Variants in ACLY observed in about 807,000 individuals in gnomAD.
The protein encoded by ACLY is ATP citrate lyase, also known as ATP-citrate synthase.
A neutral mutation model predicts 133.0 loss-of-function variants in ACLY; 41 were observed. That is an observed-to-expected ratio of 0.31 (90% CI 0.24 to 0.40). The LOEUF (loss-of-function observed/expected upper bound fraction) is 0.40. Among genes scored for constraint, ACLY ranks in the 10% least tolerant of loss-of-function variants. ACLY has a pLI of 1.00. For missense variants in ACLY, 1,046 were observed against 1,453.8 expected (o/e 0.72, Z 4.56); for synonymous variants, 495 against 549.3 (o/e 0.90, Z 1.38).
intron 20 of ACLY, among the ~76,000 whole-genome samples, chr17:41,881,569 G>A (rs140660191): frequency 1.5e-3 from 232 of 152,194 alleles, no homozygotes; most frequent in African/African-American, 5.2e-3. Context: ...ACAACCTTGC[G>A]GCATGGCATC....
At chr17:41,927,183 A>T (rs2050253876) in intron 1 of ACLY, among the ~76,000 whole-genome samples, 1 of 152,158 alleles carries the variant, frequency 6.6e-6, no homozygotes, top group African/African-American at 2.4e-5. Context: ...GATGAGTTTT[A>T]ATACATGTAT....
intron 15 of ACLY, 61 bp downstream of exon 15, chr17:41,892,972 C>A: frequency 1.3e-6 from 2 of 1,575,478 alleles, no homozygotes; most frequent in Non-Finnish European, 1.7e-6. Context: ...AGCCACTGTG[C>A]CCAGCCCCAA....
chr17:41,894,592 C>A (rs73307761), intron 14 of ACLY, among the ~76,000 whole-genome samples: 1 of 151,206 alleles, frequency 6.6e-6, no homozygotes, highest in Non-Finnish European at 1.5e-5. Context: ...TTCCATGATG[C>A]GATTATTACG....
chr17:41,879,125 C>T (rs1055442364), intron 20 of ACLY, among the ~76,000 whole-genome samples: 4 of 152,106 alleles, frequency 2.6e-5, no homozygotes, highest in African/African-American at 9.7e-5. Flanking sequence ...CTCAGGGTCA[C>T]GCAGCTAAGG....
chr17:41,877,442 C>G (rs1336599839), intron 22 of ACLY, among the ~76,000 whole-genome samples: 1 of 148,192 alleles, frequency 6.7e-6, no homozygotes, highest in Non-Finnish European at 1.5e-5. Flanking sequence ...CAGGCCCAGC[C>G]CTTTTTTTTT....
At chr17:41,889,892 C>T (rs371688477) in intron 16 of ACLY, among the ~76,000 whole-genome samples, 11 of 152,118 alleles carry the variant, frequency 7.2e-5, no homozygotes, top group African/African-American at 2.7e-4. Context: ...AGGCTGGTCT[C>T]GAACTCCTGA....
chr17:41,882,396 A>G (rs1378189935), intron 20 of ACLY, among the ~76,000 whole-genome samples: 2 of 146,580 alleles, frequency 1.4e-5, no homozygotes, highest in African/African-American at 5.0e-5. Flanking sequence ...AAAAAAAAAA[A>G]AGTTGTTTCC....
rs1555625556 is a variant in ACLY, at chr17:41,873,954, C to T, written c.2499G>A (p.Leu833=). 6.2e-7 allele frequency: 1 copy of T among 1,602,708 alleles called. No homozygotes were observed. The highest frequency in any genetic ancestry group is 1.3e-5 in the African/African-American group (1 of 74,624). Residue 833 remains leucine, a synonymous_variant, in exon 23 of 29, where the codon TTG becomes TTA. Transcript: ENST00000352035. ...MDYSWARELG[L]IRKPASFMTS... ...TCATGAACGAGGCAGGTTTGCGGAT[C>T]AAACCAAGCTCCTGGGCAGAGATGG...
upstream of ACLY, among the ~76,000 whole-genome samples, chr17:41,919,448 C>T (rs181780998): frequency 9.0e-4 from 137 of 152,370 alleles, no homozygotes; most frequent in Non-Finnish European, 1.9e-3. Context: ...CCTTAAGCAG[C>T]AGTGTCTGGC....
At chr17:41,905,884 A>T (rs1567908553) in intron 8 of ACLY, among the ~76,000 whole-genome samples, 1 of 152,222 alleles carries the variant, frequency 6.6e-6, no homozygotes, top group Non-Finnish European at 1.5e-5. Context: ...GGCACTGGGG[A>T]GCCCTGGACA....
chr17:41,922,188 C>T (rs554995719), upstream of ACLY, among the ~76,000 whole-genome samples: 1 of 151,660 alleles, frequency 6.6e-6, no homozygotes, highest in South Asian at 2.1e-4. Context: ...ACTATCCTGG[C>T]TAACAAAGTG....
intron 20 of ACLY, among the ~76,000 whole-genome samples, chr17:41,882,397 A>AAAAAAAAAGT (rs2048942053): frequency 6.9e-6 from 1 of 144,458 alleles, no homozygotes; most frequent in Non-Finnish European, 1.5e-5. Context: ...AAAAAAAAAA[A>AAAAAAAAAGT]GTTGTTTCCA....
In ACLY at chr17:41,869,513, G is replaced by A. The variant is rs1266370148; in HGVS notation, c.3012C>T (p.Leu1004=). ...VRQHFPATPL[L]DYALEVEKIT... ...TCTTCTCTACTTCCAGTGCATAATC[G>A]AGCAGAGGAGTGGCAGGGAAGTGCT... Residue 1004 remains leucine, a synonymous_variant, in exon 26 of 29, where the codon CTC becomes CTT. Coordinates refer to ENST00000352035, the MANE Select transcript of ACLY (RefSeq NM_001096.3). 32 of 1,613,938 alleles carry A rather than the reference G, an allele frequency of 2.0e-5. No individual in the cohort carries two copies. Among genetic ancestry groups the A allele is most frequent in the Non-Finnish European group, 2.5e-5 (30 of 1,180,010 alleles).
intron 13 of ACLY, among the ~76,000 whole-genome samples, chr17:41,897,245 T>A (rs1389961697): frequency 6.6e-6 from 1 of 151,386 alleles, no homozygotes; most frequent in Non-Finnish European, 1.5e-5. Flanking sequence ...GAGAGAAAAA[T>A]TAGTTGAAAT....
chr17:41,918,956 G>A (rs938860389), upstream of ACLY: 5 of 1,289,094 alleles, frequency 3.9e-6, no homozygotes, highest in Non-Finnish European at 5.1e-6. Flanking sequence ...CCCAGCAGCC[G>A]GTAGCTTCCC....
Position 41,872,083 on chromosome 17 carries a change from C to G in ACLY, c.2742G>C (p.Ala914=). The stretch of plus-strand genomic sequence containing the variant: ...TGGAGACCAGGTCTTTCCCAGCTCG[C>G]GCACAAATGATGGTGTTGTGGGCTC... The part of the protein sequence containing the change: ...VSGAHNTIIC[A]RAGKDLVSSL... Residue 914 remains alanine, a synonymous_variant, in exon 24 of 29, where the codon GCG becomes GCC. Coordinates refer to ENST00000352035, the MANE Select transcript of ACLY (RefSeq NM_001096.3). 1 of 1,614,070 alleles carries G rather than the reference C, an allele frequency of 6.2e-7. No homozygotes were observed. Among genetic ancestry groups the G allele is most frequent in the Non-Finnish European group, 8.5e-7 (1 of 1,179,990 alleles).
At chr17:41,899,661 T>C (rs897651153) in intron 11 of ACLY, among the ~76,000 whole-genome samples, 1 of 152,194 alleles carries the variant, frequency 6.6e-6, no homozygotes, top group East Asian at 1.9e-4. Flanking sequence ...ACTTGTGGAA[T>C]GTTCTAATTT....
At chr17:41,903,806 G>A (rs2049610093) in intron 10 of ACLY, among the ~76,000 whole-genome samples, 1 of 143,412 alleles carries the variant, frequency 7.0e-6, no homozygotes, top group South Asian at 2.2e-4. Context: ...AGAACCCAGA[G>A]TCTCACGAGA....
intron 18 of ACLY, 136 bp downstream of exon 18, chr17:41,885,976 C>G: frequency 1.2e-6 from 1 of 820,882 alleles, no homozygotes; most frequent in Non-Finnish European, 2.0e-6. Context: ...GCAGTGATGC[C>G]CCATTGTTTA....
Sources: allele counts gnomAD v4.1 joint callset (sites outside exome capture counted in the v4.1 genomes callset), GRCh38; gene constraint gnomAD v4.1.1; transcripts MANE v1.5; gene names NCBI Gene and HGNC (gene_info 2026-07-23, HGNC 2026-07-21).